USP30: variants seen among roughly 807,000 people sequenced by gnomAD.
USP30 encodes ubiquitin specific peptidase 30.
In USP30, 41 loss-of-function variants were observed where a neutral mutation model predicts 68.2. The observed-to-expected ratio is 0.60, with a 90% CI of 0.47 to 0.78. The LOEUF is 0.78. Among genes scored for constraint, USP30 ranks in the 30% least tolerant of loss-of-function variants. The probability of loss-of-function intolerance (pLI) is 0.00; values close to 1 mark genes in which losing one functional copy is unlikely to be tolerated. For synonymous variants in USP30, 229 were observed against 253.7 expected, an observed-to-expected ratio of 0.90 and a Z score of 0.93; for missense variants, 522 against 649.4, an observed-to-expected ratio of 0.80 and a Z score of 2.13.
At chr12:109,085,642 CCT>C (rs2041925126) in intron 12 of USP30, 23 bp from the exon 13 acceptor site, 2 of 1,610,100 alleles carry the variant, frequency 1.2e-6, no homozygotes, top group Non-Finnish European at 1.7e-6. Flanking sequence ...ATTGTAAACC[CCT>C]GACATGTGTT....
intron 3 of USP30, among the ~76,000 whole-genome samples, chr12:109,031,742 C>T (rs1811294335): frequency 6.6e-6 from 1 of 152,058 alleles, no homozygotes; most frequent in Admixed American, 6.5e-5. Context: ...GTGAGATAAG[C>T]CAGTAACAAC....
At chr12:109,071,513 C>A in intron 4 of USP30, 99 bp from the exon 5 acceptor site, 1 of 942,672 alleles carries the variant, frequency 1.1e-6, no homozygotes, top group Non-Finnish European at 1.7e-6. Flanking sequence ...AAAGCAAATT[C>A]TACCCACATT....
upstream of USP30, among the ~76,000 whole-genome samples, chr12:109,048,438 G>A (rs11067210): frequency 1.3e-5 from 2 of 151,810 alleles, no homozygotes; most frequent in Non-Finnish European, 2.9e-5. Context: ...GTGATTGCCA[G>A]GGGTTGAAGG....
At chr12:109,064,748 G>A (rs944920889) in intron 3 of USP30, among the ~76,000 whole-genome samples, 50 of 152,302 alleles carry the variant, frequency 3.3e-4, no homozygotes, top group African/African-American at 1.1e-3. Context: ...TTGCTGGATT[G>A]AGAAAGTAAA....
In USP30 at chr12:109,085,063, C is replaced by T. The variant is rs1462159513; in HGVS notation, c.1279C>T (p.Pro427Ser). 1 of 1,590,390 alleles carries T rather than the reference C, an allele frequency of 6.3e-7. No homozygotes were observed. Among genetic ancestry groups the T allele is most frequent in the African/African-American group, 1.3e-5 (1 of 74,300 alleles). The change falls in exon 12 of 13, where the codon CCC becomes TCC. Residue 427 changes from proline to serine, a missense_variant. By Grantham distance (74) the Pro-to-Ser change is moderately conservative. Coordinates refer to ENST00000257548, the MANE Select transcript of USP30 (RefSeq NM_032663.5). The part of the protein sequence containing the change: ...APMPFPLPVV[P>S]DYSSSTYLFR... ...GATGCCCTTCCCTCTCCCAGTTGTT[C>T]CCGACTACAGGTGAGCCACCCTTTA...
upstream of USP30, among the ~76,000 whole-genome samples, chr12:109,051,316 G>C (rs1184779477): frequency 1.5e-5 from 2 of 137,684 alleles, no homozygotes; most frequent in East Asian, 4.4e-4. Flanking sequence ...GAGTGCAGTG[G>C]TGTGATCTCA....
At chr12:109,077,152 G>A (rs2041636878) in intron 7 of USP30, among the ~76,000 whole-genome samples, 2 of 152,154 alleles carry the variant, frequency 1.3e-5, no homozygotes. Flanking sequence ...AAGGATATTA[G>A]TATCTGTGTT....
upstream of USP30, among the ~76,000 whole-genome samples, chr12:109,051,638 T>C (rs6606735): frequency 0.59 from 85,597 of 145,742 alleles, 25,889 homozygotes; most frequent in East Asian, 0.84. Context: ...GGCATGATCT[T>C]GGCTCAGTGC....
At chr12:109,044,226 G>C (rs1566078504) in intron 3 of USP30, among the ~76,000 whole-genome samples, 1 of 152,218 alleles carries the variant, frequency 6.6e-6, no homozygotes, top group Non-Finnish European at 1.5e-5. Flanking sequence ...TGTAGAATGA[G>C]GAGTTACTGT....
intron 3 of USP30, among the ~76,000 whole-genome samples, chr12:109,044,988 CTTTTTTT>C (rs34418635): frequency 5.0e-5 from 5 of 100,188 alleles, no homozygotes; most frequent in Non-Finnish European, 9.8e-5. Context: ...GGTCAAACAT[CTTTTTTT>C]TTTTTTTTTT....
chr12:109,040,226 T>C (rs2040554372), intron 3 of USP30, among the ~76,000 whole-genome samples: 1 of 152,120 alleles, frequency 6.6e-6, no homozygotes, highest in South Asian at 2.1e-4. Flanking sequence ...GGGGAAACTT[T>C]AGAGTTTAAC....
intron 4 of USP30, among the ~76,000 whole-genome samples, chr12:109,068,572 A>G (rs2041333553): frequency 6.6e-6 from 1 of 152,218 alleles, no homozygotes; most frequent in African/African-American, 2.4e-5. Context: ...TTCTATTTAG[A>G]AAATACTTTT....
intron 3 of USP30, among the ~76,000 whole-genome samples, chr12:109,034,818 A>T (rs1373830844): frequency 1.3e-5 from 2 of 151,796 alleles, no homozygotes; most frequent in Admixed American, 1.3e-4. Context: ...AAGTGCATGT[A>T]TGATTACAAT....
At chr12:109,079,339 CTTT>C (rs750712233) in intron 7 of USP30, among the ~76,000 whole-genome samples, 1 of 62,250 alleles carries the variant, frequency 1.6e-5, no homozygotes, top group Non-Finnish European at 2.8e-5. Flanking sequence ...TTTTCTTTTT[CTTT>C]TTTTTTTTCT....
chr12:109,074,176 G>A (rs968604158), intron 7 of USP30, among the ~76,000 whole-genome samples: 5 of 151,982 alleles, frequency 3.3e-5, no homozygotes, highest in Non-Finnish European at 7.4e-5. Flanking sequence ...ATATTTCCAC[G>A]TTTCTTCCAT....
chr12:109,073,671 A>C, intron 7 of USP30, 139 bp downstream of exon 7: 1 of 696,900 alleles, frequency 1.4e-6, no homozygotes, highest in East Asian at 2.7e-5. Context: ...TGGACTGACT[A>C]CCCCACTTTG....
intron 7 of USP30, among the ~76,000 whole-genome samples, chr12:109,074,368 C>T (rs2041532203): frequency 6.6e-6 from 1 of 152,160 alleles, no homozygotes; most frequent in Non-Finnish European, 1.5e-5. Flanking sequence ...CATATATTTT[C>T]ACTTCAGTTG....
At chr12:109,077,175 T>C (rs2135800102) in intron 7 of USP30, among the ~76,000 whole-genome samples, 1 of 152,358 alleles carries the variant, frequency 6.6e-6, no homozygotes, top group East Asian at 1.9e-4. Flanking sequence ...TGAGGAATAT[T>C]GTTCTTACAC....
At position 109,085,893 on chromosome 12, in the gene USP30, A is replaced by G. The variant is rs761095129; in HGVS notation, c.1516A>G (p.Met506Val). The G allele has an allele frequency of 1.2e-6, 2 of 1,614,146 alleles. No individual in the cohort carries two copies. Among genetic ancestry groups the G allele is most frequent in the East Asian group, 2.2e-5 (1 of 44,888 alleles). Residue 506 changes from methionine to valine, a missense_variant, in exon 13 of 13, where the codon ATG (methionine) becomes GTG (valine). Coordinates refer to ENST00000257548, the MANE Select transcript of USP30 (RefSeq NM_032663.5). ...GTTCTACGAGCGCGTCCTTTCCAGGATGCAGCACCAGAGCCAGGAGTGCAA... is the reference window on the plus strand; with the variant it reads ...GTTCTACGAGCGCGTCCTTTCCAGGGTGCAGCACCAGAGCCAGGAGTGCAA... ...LLFYERVLSR[M>V]QHQSQECKSE...
Sources: gnomAD v4.1 joint callset for allele counts (sites outside exome capture counted in the v4.1 genomes callset) on GRCh38, gnomAD v4.1.1 for gene constraint, MANE v1.5 for transcripts, NCBI Gene and HGNC (gene_info 2026-07-23, HGNC 2026-07-21) for gene names.